The following HUWE1 variants were observed in gnomAD, a reference collection of about 807,000 sequenced individuals.
HUWE1 encodes E3 ubiquitin-protein ligase HUWE1.
Under a neutral mutation model 299.4 loss-of-function variants are expected in HUWE1, and 18 were observed. The observed-to-expected ratio is 0.06, with a 90% CI of 0.04 to 0.09. HUWE1 has a LOEUF of 0.09. Among genes scored for constraint, HUWE1 ranks in the 10% least tolerant of loss-of-function variants. The pLI is 1.00. For synonymous variants in HUWE1, 1,317 were observed against 1,286.1 expected (o/e 1.02, Z -0.51); for missense variants, 1,832 against 3,462.3 (o/e 0.53, Z 11.82).
At chrX:53,569,168 G>A (rs982344065) in intron 48 of HUWE1, among the ~76,000 whole-genome samples, 4 of 111,061 alleles carry the variant, frequency 3.6e-5, no homozygotes, top group Non-Finnish European at 5.7e-5. Flanking sequence ...CTGGGACTAC[G>A]GGAGCGTGCC....
intron 52 of HUWE1, 101 bp downstream of exon 52, chrX:53,563,645 A>C: frequency 2.1e-6 from 2 of 936,889 alleles, no homozygotes; most frequent in African/African-American, 3.9e-5. Flanking sequence ...GCTGGCTATG[A>C]GCCCTTAGGC....
Position 53,645,737 on chromosome X carries a change from ATATATATATATATAT to A in HUWE1, c.352-289_352-275del, listed in dbSNP as rs1462651145. ...CAAAAAAAGAAAAAAAAAAAAAAAAATATATATATATATATATATATATATATATATATATATATG... is the reference window on the plus strand; with the variant it reads ...CAAAAAAAGAAAAAAAAAAAAAAAAAATATATATATATATATATATATATG... On this transcript the variant is annotated intron_variant, in intron 6 of 83. Transcript: ENST00000262854. Among the ~76,000 whole-genome samples, 200 of 38,305 alleles carry A rather than the reference ATATATATATATATAT, an allele frequency of 5.2e-3. 7 individuals carry two copies. The East Asian group carries it at 0.07, about 13-fold the overall frequency. The allele number at this position is 38,305 out of a possible 115,157, so 33.3% of individuals were successfully genotyped here. A position where few individuals can be genotyped will look rare whatever the true frequency, so the allele number is the denominator to read the frequency against.
At chrX:53,565,788 T>C (rs2062501816) in intron 49 of HUWE1, among the ~76,000 whole-genome samples, 1 of 109,925 alleles carries the variant, frequency 9.1e-6, no homozygotes, top group East Asian at 2.9e-4. Flanking sequence ...TGAGCCACCA[T>C]GCCCAGCTAA....
chrX:53,587,881 T>C (rs1265932134), intron 37 of HUWE1, among the ~76,000 whole-genome samples: 1 of 111,753 alleles, frequency 8.9e-6, no homozygotes, highest in Non-Finnish European at 1.9e-5. Flanking sequence ...AACCACTCTC[T>C]TGCCTCAAAT....
chrX:53,635,887 C>T (rs1006843444), intron 7 of HUWE1, among the ~76,000 whole-genome samples: 1 of 111,954 alleles, frequency 8.9e-6, no homozygotes, highest in Non-Finnish European at 1.9e-5. Flanking sequence ...AATGCTATTT[C>T]TAAACCTGTA....
At position 53,552,347 on chromosome X, in the gene HUWE1, G is replaced by C; in HGVS notation, c.8845C>G (p.Pro2949Ala). The C allele has an allele frequency of 2.5e-6, 3 of 1,211,100 alleles. No homozygotes were observed. Among genetic ancestry groups the C allele is most frequent in the Non-Finnish European group, 3.4e-6 (3 of 894,987 alleles). Residue 2949 changes from proline to alanine, a missense_variant, in exon 63 of 84, where the codon CCT (proline) becomes GCT (alanine). Pro to Ala is a conservative substitution (Grantham distance 27). Around this residue, in one of 15 missense-constraint regions of HUWE1, gnomAD observed 91 missense variants for 281.2 expected, o/e 0.32. Coordinates refer to ENST00000262854, the MANE Select transcript of HUWE1 (RefSeq NM_031407.7). ...TCTTCTTCTTCACTGCTTGTTGAAG[G>C]CAACGGCTCTTCTAGGATTCCTCGG... ...DSRGILEEPL[P>A]STSSEEEDPL...
chrX:53,619,917 G>A (rs183249691), intron 19 of HUWE1, among the ~76,000 whole-genome samples: 6 of 112,159 alleles, frequency 5.3e-5, no homozygotes, highest in Non-Finnish European at 1.9e-5. Flanking sequence ...CTCCCAATAT[G>A]TTCTTTGTGC....
rs782600084 is a variant in HUWE1 at position 53,583,719 on chromosome X, G to A, written c.5359C>T (p.Arg1787Trp). The A allele has an allele frequency of 1.7e-6, 2 of 1,211,129 alleles. No individual in the cohort carries two copies. The highest frequency in any genetic ancestry group is 4.3e-5 in the Admixed American group (2 of 45,988). The change falls in exon 42 of 84, where the codon CGG becomes TGG. Residue 1787 changes from arginine (R) to tryptophan (W), a missense_variant. By Grantham distance (101) the Arg-to-Trp change is moderately radical. Around this residue, in one of 15 missense-constraint regions of HUWE1, gnomAD observed 50 missense variants for 114.9 expected, o/e 0.44. Coordinates refer to ENST00000262854, the MANE Select transcript of HUWE1 (RefSeq NM_031407.7). ...ATLRLCLRLT[R>W]DHKYAMMFAE... ...AACATCATGGCATATTTGTGGTCCC[G>A]GGTGAGCCTCAGACAGAGACGAAGG... is the stretch of plus-strand genomic sequence containing the variant.
chrX:53,563,855 A>G (rs2062405224), intron 51 of HUWE1, 34 bp from the exon 52 acceptor site: 1 of 1,190,848 alleles, frequency 8.4e-7, no homozygotes, highest in Non-Finnish European at 1.1e-6. Flanking sequence ...ATGGATGCAC[A>G]CAAGTCTATC....
At chrX:53,600,000 A>G (rs1480209964) in intron 29 of HUWE1, 118 bp downstream of exon 29, 3 of 649,359 alleles carry the variant, frequency 4.6e-6, no homozygotes, top group Non-Finnish European at 5.1e-6. Flanking sequence ...ACACTTAAAA[A>G]TGAGTCACAG....
intron 3 of HUWE1, among the ~76,000 whole-genome samples, chrX:53,678,274 T>C (rs1360589153): frequency 8.9e-6 from 1 of 112,236 alleles, no homozygotes; most frequent in Non-Finnish European, 1.9e-5. Flanking sequence ...CTTCACTACC[T>C]GAAAGGATTT....
At chrX:53,573,113 T>G (rs1386574869) in intron 47 of HUWE1, among the ~76,000 whole-genome samples, 1 of 111,742 alleles carries the variant, frequency 8.9e-6, no homozygotes, top group Non-Finnish European at 1.9e-5. Context: ...TCTATCAGAT[T>G]CCTAACTGTT....
At position 53,589,559 on chromosome X, in the gene HUWE1, T is replaced by A. The variant is rs1556976652; in HGVS notation, c.4449A>T (p.Gln1483His). 7.4e-6 allele frequency: 9 copies of A among 1,211,611 alleles called. No individual in the cohort carries two copies. The highest frequency in any genetic ancestry group is 8.9e-6 in the Non-Finnish European group (8 of 895,241). ...GADYRDMILKQVVNQVWEAAD... is the reference protein window; with the variant it reads ...GADYRDMILKHVVNQVWEAAD... The stretch of plus-strand genomic sequence containing the variant: ...CTTGAGAGCTCACCTGATTGACTAC[T>A]TGCTTCAGAATCATGTCACGATAAT... The change falls in exon 36 of 84, where the codon CAA becomes CAT. Residue 1483 changes from glutamine to histidine, a missense_variant. Physicochemically the swap from Gln to His is conservative, Grantham distance 24 (BLOSUM62 0). This residue lies in a region of HUWE1 where 658 missense variants were observed against 1,282.6 expected (regional missense o/e 0.51). Transcript: ENST00000262854.
rs782330812 is a variant in HUWE1, at chrX:53,543,859, T to C, written c.11361A>G (p.Arg3787=). The C allele has an allele frequency of 8.3e-7, 1 of 1,211,255 alleles. No individual in the cohort carries two copies. The highest frequency in any genetic ancestry group is 1.1e-6 in the Non-Finnish European group (1 of 895,183). ...TGCTAACCGTTGCTGCTTGTTGCTG[T>C]CTCCGCGCCCTTTGACCCTCACGTA... The part of the protein sequence containing the change: ...QMVREGQRAR[R]QQQAATSESS... Residue 3787 remains arginine, a synonymous_variant, in exon 73 of 84, where the codon AGA becomes AGG. Transcript: ENST00000262854.
chrX:53,678,639 T>A (rs1295180573), intron 3 of HUWE1, among the ~76,000 whole-genome samples: 1 of 112,215 alleles, frequency 8.9e-6, no homozygotes, highest in Non-Finnish European at 1.9e-5. Context: ...TCTCAAAAAC[T>A]GTTTTAGTAT....
chrX:53,624,384 C>G (rs1015994659), intron 19 of HUWE1, among the ~76,000 whole-genome samples: 1 of 112,155 alleles, frequency 8.9e-6, no homozygotes. Context: ...CTAATCCCAG[C>G]TACTCGGGAG....
Position 53,533,084 on chromosome X carries a change from G to T in HUWE1, c.*225C>A, listed in dbSNP as rs2060840044. ...TAAAACACATGGGGTGGGGATCATG[G>T]ACGGCATGGAAAGGGGAGAGAAGGT... On this transcript the variant is annotated 3_prime_UTR_variant, in exon 84 of 84. Transcript: ENST00000262854. 1 of 426,007 alleles carries T rather than the reference G, an allele frequency of 2.3e-6. No homozygotes were observed. Among genetic ancestry groups the T allele is most frequent in the Non-Finnish European group, 4.2e-6 (1 of 240,345 alleles). 35.1% of individuals were successfully genotyped at this position (426,007 alleles called of 1,213,427 possible).
rs781938895 is a variant in HUWE1 at position 53,681,368 on chromosome X, A to T, written c.-162-1182T>A. Among the ~76,000 whole-genome samples, 21 of 104,466 alleles carry T rather than the reference A, an allele frequency of 2.0e-4. No individual in the cohort carries two copies. In the South Asian group the frequency reaches 9.8e-3, roughly 49 times the overall value. The allele number at this position is 104,466 out of a possible 115,157, so 90.7% of individuals were successfully genotyped here. On this transcript the variant is annotated intron_variant, in intron 2 of 83. Coordinates refer to ENST00000262854, the MANE Select transcript of HUWE1 (RefSeq NM_031407.7). ...TAAATCGCTTGAACCCAGGAGGCGG[A>T]GGTTGCAGTGAGCCGAGATCGCGCC...
chrX:53,545,608 G>A (rs1556922061), intron 70 of HUWE1, among the ~76,000 whole-genome samples: 1 of 111,924 alleles, frequency 8.9e-6, no homozygotes, highest in African/African-American at 3.3e-5. Context: ...TTATATGGTA[G>A]AGTGCCTAGA....
Sources: gnomAD v4.1 joint callset for allele counts (sites outside exome capture counted in the v4.1 genomes callset) on GRCh38, gnomAD v4.1.1 for gene constraint, gnomAD v4.1.1 regional missense constraint, MANE v1.5 for transcripts, NCBI Gene and HGNC (gene_info 2026-07-23, HGNC 2026-07-21) for gene names.